The following ATP11A variants were observed in gnomAD, a reference collection of about 807,000 sequenced individuals.
ATP11A encodes phospholipid-transporting ATPase IH.
In ATP11A, 81 loss-of-function variants were observed where a neutral mutation model predicts 154.4. The observed-to-expected ratio is 0.52, with a 90% CI of 0.44 to 0.63. The LOEUF is 0.63. Ranked by LOEUF, ATP11A falls within the 30% of genes least tolerant of loss-of-function variation. The probability of loss-of-function intolerance (pLI) is 0.00; values close to 1 mark genes in which losing one functional copy is unlikely to be tolerated. For missense variants in ATP11A, 1,316 were observed against 1,474.3 expected, an observed-to-expected ratio of 0.89 and a Z score of 1.76; for synonymous variants, 623 against 585.9, an observed-to-expected ratio of 1.06 and a Z score of -0.91.
At chr13:112,777,216 CTG>C (rs1442156671) in intron 1 of ATP11A, among the ~76,000 whole-genome samples, 3 of 152,212 alleles carry the variant, frequency 2.0e-5, no homozygotes, top group East Asian at 1.9e-4. Context: ...TGCACAAAGA[CTG>C]TGTGTTTTCA....
At chr13:112,828,866 T>A (rs2079017669) in intron 12 of ATP11A, among the ~76,000 whole-genome samples, 1 of 152,214 alleles carries the variant, frequency 6.6e-6, no homozygotes, top group Non-Finnish European at 1.5e-5. Flanking sequence ...CTGTGCCCAC[T>A]GTCGCTGTGC....
intron 1 of ATP11A, among the ~76,000 whole-genome samples, chr13:112,720,335 C>T (rs963434342): frequency 9.9e-5 from 15 of 152,280 alleles, no homozygotes; most frequent in South Asian, 2.1e-4. Context: ...CTTCAGTGTG[C>T]GATTGGTTAA....
intron 13 of ATP11A, among the ~76,000 whole-genome samples, chr13:112,832,285 T>C (rs2079115937): frequency 6.6e-6 from 1 of 152,208 alleles, no homozygotes; most frequent in East Asian, 1.9e-4. Flanking sequence ...CAGCCGGCTG[T>C]GGCCCTGAGC....
At chr13:112,827,708 C>T (rs2078969202) in intron 12 of ATP11A, among the ~76,000 whole-genome samples, 1 of 152,200 alleles carries the variant, frequency 6.6e-6, no homozygotes, top group Non-Finnish European at 1.5e-5. Context: ...GCAAACAAGG[C>T]CACTTTAGAC....
intron 8 of ATP11A, among the ~76,000 whole-genome samples, chr13:112,821,558 A>G (rs575416751): frequency 8.9e-4 from 135 of 152,282 alleles, no homozygotes; most frequent in Non-Finnish European, 1.5e-3. Flanking sequence ...TGATTCACCC[A>G]CCTCGGCCTC....
intron 4 of ATP11A, 21 bp downstream of exon 4, chr13:112,806,314 A>G: frequency 6.3e-7 from 1 of 1,584,556 alleles, no homozygotes; most frequent in Non-Finnish European, 8.7e-7. Context: ...TACAGACGAA[A>G]AAGAAGCAAT....
chr13:112,733,731 GA>G, intron 1 of ATP11A, among the ~76,000 whole-genome samples: 1 of 152,078 alleles, frequency 6.6e-6, no homozygotes, highest in Non-Finnish European at 1.5e-5. Context: ...AACTTTAGGG[GA>G]AAAATAATAT....
intron 25 of ATP11A, among the ~76,000 whole-genome samples, chr13:112,871,230 G>A (rs2080510474): frequency 6.6e-6 from 1 of 152,242 alleles, no homozygotes; most frequent in Non-Finnish European, 1.5e-5. Flanking sequence ...GTTCAGAAGG[G>A]AACAGACACA....
chr13:112,735,132 T>C (rs534861999), intron 1 of ATP11A, among the ~76,000 whole-genome samples: 1 of 152,330 alleles, frequency 6.6e-6, no homozygotes, highest in Admixed American at 6.5e-5. Context: ...GAAATCTCCA[T>C]CTGGGTCTAA....
chr13:112,809,225 AAG>A (rs1233063688), intron 4 of ATP11A, among the ~76,000 whole-genome samples: 1 of 152,184 alleles, frequency 6.6e-6, no homozygotes, highest in Non-Finnish European at 1.5e-5. Context: ...TTTCCCCAGA[AAG>A]AGAGTATTTC....
rs769716430 is a variant in ATP11A, at chr13:112,785,204, G to T, written c.109G>T (p.Ala37Ser). ...GGGACACAGGGAGCCACCTCCGGGCGCAGAGGCCTACATCCCACAGAGATA... is the reference window on the plus strand; with the variant it reads ...GGGACACAGGGAGCCACCTCCGGGCTCAGAGGCCTACATCCCACAGAGATA... ...YVGHREPPPG[A>S]EAYIPQRYPD... The change falls in exon 2 of 30, where the codon GCA becomes TCA. Residue 37 changes from alanine (A) to serine (S), a missense_variant. Physicochemically the swap from Ala to Ser is moderately conservative, Grantham distance 99 (BLOSUM62 1). Transcript: ENST00000375645. This position sits in a 1 kb window ranked among gnomAD's most constrained non-coding sequence, Gnocchi z 4.8. 8 of 1,577,182 alleles carry T rather than the reference G, an allele frequency of 5.1e-6. No individual in the cohort carries two copies. The East Asian group carries it at 1.2e-4, about 24-fold the overall frequency.
chr13:112,860,652 G>A (rs1261929712), intron 24 of ATP11A: 5 of 446,462 alleles, frequency 1.1e-5, no homozygotes, highest in Middle Eastern at 1.2e-3. Context: ...TGTGGAGCCA[G>A]TTTGCACTTT....
chr13:112,715,326 C>T (rs946318975), intron 1 of ATP11A, among the ~76,000 whole-genome samples: 11 of 139,410 alleles, frequency 7.9e-5, no homozygotes, highest in Admixed American at 4.6e-4. Context: ...TTGTAGTGTC[C>T]TGGCCCATCC....
At position 112,882,570 on chromosome 13, in the gene ATP11A, C is replaced by T; in HGVS notation, c.*704C>T. 1 of 411,390 alleles carries T rather than the reference C, an allele frequency of 2.4e-6. No homozygotes were observed. The allele number at this position is 411,390 out of a possible 1,614,324, so 25.5% of individuals were successfully genotyped here. A position where few individuals can be genotyped will look rare whatever the true frequency, so the allele number is the denominator to read the frequency against. On this transcript the variant is annotated 3_prime_UTR_variant, in exon 30 of 30. Transcript: ENST00000375645. The surrounding 1 kb of genome is among the most constrained non-coding windows in gnomAD (Gnocchi z 5.1). The stretch of plus-strand genomic sequence containing the variant: ...CCCTGCTCATCTGGGAGTGGTTTCC[C>T]TGCGGTTACGTCCAAGCCCGCCTGC...
At chr13:112,871,552 C>T (rs572033398) in intron 25 of ATP11A, among the ~76,000 whole-genome samples, 183 bp from the exon 26 acceptor site, 2 of 152,178 alleles carry the variant, frequency 1.3e-5, no homozygotes, top group East Asian at 3.9e-4. Flanking sequence ...GGCGTCCTGC[C>T]GTGCTCTGGG....
At chr13:112,877,299 T>G (rs1403498997) in intron 28 of ATP11A, among the ~76,000 whole-genome samples, 1 of 152,148 alleles carries the variant, frequency 6.6e-6, no homozygotes, top group East Asian at 1.9e-4. Context: ...AAGCAGCCAC[T>G]CACTGCCCAG....
chr13:112,719,230 G>A (rs1191415399), intron 1 of ATP11A, among the ~76,000 whole-genome samples: 3 of 152,270 alleles, frequency 2.0e-5, no homozygotes, highest in South Asian at 2.1e-4. Flanking sequence ...GCCCTGTGAC[G>A]CGCAGGCAGG....
chr13:112,767,531 G>A (rs71446915), intron 1 of ATP11A, among the ~76,000 whole-genome samples: 25,937 of 134,548 alleles, frequency 0.19, 3,589 homozygotes, highest in Non-Finnish European at 0.26. Context: ...GCCCCTGTGG[G>A]AAGGTAGGGA....
At chr13:112,869,393 C>T (rs7982121) in intron 25 of ATP11A, among the ~76,000 whole-genome samples, 46,336 of 152,152 alleles carry the variant, frequency 0.3, 7,854 homozygotes, top group South Asian at 0.43. Flanking sequence ...GCCATTACCC[C>T]CTAAACCCAG....
Sources: gnomAD v4.1 joint callset for allele counts (sites outside exome capture counted in the v4.1 genomes callset) on GRCh38, gnomAD v4.1.1 for gene constraint, Gnocchi (gnomAD v3.1) non-coding constraint, MANE v1.5 for transcripts, NCBI Gene and HGNC (gene_info 2026-07-23, HGNC 2026-07-21) for gene names.